The following DLC1 variants were observed in gnomAD, a reference collection of about 807,000 sequenced individuals.
DLC1 encodes the protein DLC1 Rho GTPase activating protein.
A neutral mutation model predicts 140.3 loss-of-function variants in DLC1; 54 were observed. The ratio of observed to expected loss-of-function variants is 0.38; its 90% CI spans 0.31 to 0.48. The LOEUF is 0.48. Among genes scored for constraint, DLC1 ranks in the 20% least tolerant of loss-of-function variants. The probability of loss-of-function intolerance (pLI) is 0.96; values close to 1 mark genes in which losing one functional copy is unlikely to be tolerated. For missense variants in DLC1, 2,536 were observed against 1,907.0 expected, an observed-to-expected ratio of 1.33 and a Z score of -6.14; for synonymous variants, 986 against 728.1, an observed-to-expected ratio of 1.35 and a Z score of -5.70.
intron 5 of DLC1, 69 bp from the exon 6 acceptor site, chr8:13,115,726 G>A (rs1326281657): frequency 6.7e-7 from 1 of 1,495,822 alleles, no homozygotes; most frequent in Non-Finnish European, 9.3e-7. Flanking sequence ...TCCTGAATAA[G>A]CTTTCGTTTT....
intron 5 of DLC1, among the ~76,000 whole-genome samples, chr8:13,134,982 A>G (rs904025675): frequency 1.3e-5 from 2 of 152,026 alleles, no homozygotes; most frequent in African/African-American, 4.8e-5. Context: ...TTGTATGAAA[A>G]AGCGGTGCTG....
chr8:13,579,363 T>TATA (rs1563454119), intron 1 of DLC1, among the ~76,000 whole-genome samples: 3 of 38,206 alleles, frequency 7.9e-5, no homozygotes, highest in African/African-American at 5.1e-4. Context: ...ATATATATAT[T>TATA]TTTATATAAT....
intron 5 of DLC1, among the ~76,000 whole-genome samples, chr8:13,299,250 C>G (rs980129371): frequency 1.3e-5 from 2 of 151,610 alleles, no homozygotes; most frequent in Non-Finnish European, 2.9e-5. Context: ...CAAGACCAGC[C>G]CAGCCAACAT....
At chr8:13,205,611 TA>T (rs60960616) in intron 5 of DLC1, among the ~76,000 whole-genome samples, 26 of 148,546 alleles carry the variant, frequency 1.8e-4, no homozygotes, top group East Asian at 3.9e-4. Context: ...GCTGATGAGC[TA>T]AAAAAAAAAT....
chr8:13,278,930 C>T (rs1028869152), intron 5 of DLC1, among the ~76,000 whole-genome samples: 2 of 152,194 alleles, frequency 1.3e-5, no homozygotes, highest in South Asian at 2.1e-4. Flanking sequence ...AGAAAAAATT[C>T]GAAAAGCTTA....
At chr8:13,158,374 A>G (rs1031604106) in intron 5 of DLC1, among the ~76,000 whole-genome samples, 3 of 152,220 alleles carry the variant, frequency 2.0e-5, no homozygotes, top group Non-Finnish European at 2.9e-5. Flanking sequence ...TTAATTTAGA[A>G]ACGGTTGTGT....
intron 5 of DLC1, among the ~76,000 whole-genome samples, chr8:13,232,202 T>G (rs1457310819): frequency 6.6e-6 from 1 of 152,176 alleles, no homozygotes; most frequent in East Asian, 1.9e-4. Flanking sequence ...AATAGACAGC[T>G]GTCTACCAGT....
At chr8:13,312,386 A>AATAAT (rs1554494786) in intron 4 of DLC1, among the ~76,000 whole-genome samples, 11 of 81,698 alleles carry the variant, frequency 1.3e-4, no homozygotes, top group South Asian at 4.5e-4. Context: ...AAAAAAAAAA[A>AATAAT]AATAATTTCT....
chr8:13,602,577 A>G (rs750858768), intron 1 of DLC1, among the ~76,000 whole-genome samples: 3 of 151,882 alleles, frequency 2.0e-5, no homozygotes, highest in Non-Finnish European at 4.4e-5. Context: ...GTGGCTGTAT[A>G]TGAAACAAGA....
At chr8:13,140,265 C>A (rs527868418) in intron 5 of DLC1, among the ~76,000 whole-genome samples, 1 of 152,202 alleles carries the variant, frequency 6.6e-6, no homozygotes, top group South Asian at 2.1e-4. Flanking sequence ...CACGATCTTG[C>A]TCTGTTACCC....
rs574015057 is a variant in DLC1, at chr8:13,575,335, T to G, written c.-126+29202A>C. Among the ~76,000 whole-genome samples, 255 of 152,032 alleles carry G rather than the reference T, an allele frequency of 1.7e-3. 1 individual carries two copies. Among genetic ancestry groups the G allele is most frequent in the Non-Finnish European group, 1.7e-3 (118 of 67,974 alleles). ...TATGAAGGTTTATTTACTTACGTAA[T>G]GAGGGTTAGGAGGGGGGTACGAGAG... On this transcript the variant is annotated intron_variant, in intron 1 of 1. Transcript: ENST00000631382.
intron 2 of DLC1, among the ~76,000 whole-genome samples, chr8:13,484,348 G>GT: frequency 6.6e-6 from 1 of 152,248 alleles, no homozygotes; most frequent in African/African-American, 2.4e-5. Context: ...CTCAATCTCT[G>GT]TTTTTTAGCT....
intron 5 of DLC1, among the ~76,000 whole-genome samples, chr8:13,128,906 A>ATGATGGCAAGGCAGAACAAATTG: frequency 6.6e-6 from 1 of 152,150 alleles, no homozygotes; most frequent in Non-Finnish European, 1.5e-5. Context: ...TCCATTAATT[A>ATGATGGCAAGGCAGAACAAATTG]TGATGGCAAG....
intron 2 of DLC1, among the ~76,000 whole-genome samples, chr8:13,451,131 G>C (rs892457448): frequency 6.9e-6 from 1 of 144,634 alleles, no homozygotes; most frequent in African/African-American, 2.5e-5. Context: ...AATAAAGTAA[G>C]AGTAAATATG....
chr8:13,092,926 G>A, intron 12 of DLC1, 101 bp from the exon 13 acceptor site: 1 of 1,294,692 alleles, frequency 7.7e-7, no homozygotes, highest in African/African-American at 1.5e-5. Context: ...CCTCAGCCCA[G>A]TACTGAACAA....
rs1471378566 is a variant in DLC1, at chr8:13,579,338, TATATATATATATATATATA to T, written c.-126+25180_-126+25198del. Among the ~76,000 whole-genome samples, 69 of 22,268 alleles carry T rather than the reference TATATATATATATATATATA, an allele frequency of 3.1e-3. 21 individuals are homozygous for T. The highest frequency in any genetic ancestry group is 0.01 in the Admixed American group (16 of 1,528). 14.6% of individuals were successfully genotyped at this position (22,268 alleles called of 152,430 possible). A position where few individuals can be genotyped will look rare whatever the true frequency, so the allele number is the denominator to read the frequency against. The stretch of plus-strand genomic sequence containing the variant: ...CTTTATATATATATATATATATATA[TATATATATATATATATATA>T]TATATTTTTATATAATACATATTTA... On this transcript the variant is annotated intron_variant, in intron 1 of 1. Coordinates refer to the DLC1 transcript ENST00000631382.
At chr8:13,563,070 A>G (rs1425159623) in intron 1 of DLC1, among the ~76,000 whole-genome samples, 2 of 152,200 alleles carry the variant, frequency 1.3e-5, no homozygotes, top group African/African-American at 4.8e-5. Context: ...ACGTAATGGC[A>G]AGAACAGAGA....
chr8:13,448,299 A>G (rs1224012854), intron 2 of DLC1, among the ~76,000 whole-genome samples: 2 of 151,986 alleles, frequency 1.3e-5, no homozygotes, highest in African/African-American at 4.8e-5. Flanking sequence ...TAGTCATGGG[A>G]TTTCCCAGGA....
At chr8:13,455,479 C>G (rs1161336746) in intron 2 of DLC1, among the ~76,000 whole-genome samples, 2 of 152,142 alleles carry the variant, frequency 1.3e-5, no homozygotes, top group Non-Finnish European at 2.9e-5. Context: ...CTGCTCCAGA[C>G]ACACCTGCAT....
Sources: gnomAD v4.1 joint callset for allele counts (sites outside exome capture counted in the v4.1 genomes callset) on GRCh38, gnomAD v4.1.1 for gene constraint, MANE v1.5 for transcripts, NCBI Gene and HGNC (gene_info 2026-07-23, HGNC 2026-07-21) for gene names.